PTPRK: variants seen among roughly 807,000 people sequenced by gnomAD.
PTPRK encodes receptor-type tyrosine-protein phosphatase kappa.
Under a neutral mutation model 178.0 loss-of-function variants are expected in PTPRK, and 75 were observed. The ratio of observed to expected loss-of-function variants is 0.42; its 90% confidence interval spans 0.35 to 0.51. The LOEUF (loss-of-function observed/expected upper bound fraction) is 0.51. Ranked by LOEUF, PTPRK falls within the 20% of genes least tolerant of loss-of-function variation. The probability of loss-of-function intolerance (pLI) is 0.02; values close to 1 mark genes in which losing one functional copy is unlikely to be tolerated. For missense variants in PTPRK, 1,441 were observed against 1,797.8 expected, an observed-to-expected ratio of 0.80 and a Z score of 3.59; for synonymous variants, 637 against 620.6, an observed-to-expected ratio of 1.03 and a Z score of -0.39.
At chr6:128,361,924 T>A (rs1834817675) in intron 2 of PTPRK, among the ~76,000 whole-genome samples, 2 of 152,128 alleles carry the variant, frequency 1.3e-5, no homozygotes, top group African/African-American at 4.8e-5. Context: ...TCTCACCCAA[T>A]CATATACTAC....
intron 1 of PTPRK, among the ~76,000 whole-genome samples, chr6:128,486,587 T>A (rs1194605236): frequency 6.6e-6 from 1 of 152,146 alleles, no homozygotes; most frequent in Non-Finnish European, 1.5e-5. Context: ...AAGGATTGCT[T>A]GAACTCAGGA....
intron 3 of PTPRK, among the ~76,000 whole-genome samples, chr6:128,295,685 A>T (rs1824215538): frequency 1.3e-5 from 2 of 152,252 alleles, no homozygotes; most frequent in South Asian, 4.1e-4. Context: ...TAGCTCTGGT[A>T]AATCCGGTTC....
In PTPRK at chr6:128,259,583, T is replaced by A. The variant is rs529212067; in HGVS notation, c.496-16981A>T. Among the ~76,000 whole-genome samples the A allele has an allele frequency of 2.6e-5, 4 of 152,296 alleles. No individual in the cohort carries two copies. In the South Asian group the frequency reaches 8.3e-4, roughly 32 times the overall value. ...AAGGTGAGATTATGGATTACTTTCATTTTCTGTGTATTTCTTCAATGATTT... is the reference window on the plus strand; with the variant it reads ...AAGGTGAGATTATGGATTACTTTCAATTTCTGTGTATTTCTTCAATGATTT... On this transcript the variant is annotated intron_variant, in intron 3 of 29. Transcript: ENST00000368226.
At chr6:128,468,486 T>C (rs569497875) in intron 1 of PTPRK, among the ~76,000 whole-genome samples, 29 of 152,310 alleles carry the variant, frequency 1.9e-4, no homozygotes, top group African/African-American at 7.0e-4. Context: ...GTAATGTTTA[T>C]TTTCAAGGAA....
intron 3 of PTPRK, among the ~76,000 whole-genome samples, chr6:128,269,616 G>A (rs531841371): frequency 2.3e-4 from 35 of 152,060 alleles, no homozygotes; most frequent in Non-Finnish European, 4.4e-4. Flanking sequence ...TCACCTTGCA[G>A]GGTGCCCTAC....
At chr6:128,030,758 T>TC (rs1775185642) in intron 13 of PTPRK, among the ~76,000 whole-genome samples, 1 of 152,076 alleles carries the variant, frequency 6.6e-6, no homozygotes, top group South Asian at 2.1e-4. Context: ...TTGCTTTTTT[T>TC]CCCCCAAGTC....
chr6:128,299,032 C>T lies in PTPRK; in HGVS notation c.495+23007G>A, dbSNP rs1195072895. ...GCAACTTCAGCGAAGTCTCAGGATACAAAATCAATGTGCAAAAATCACAAG... is the reference window on the plus strand; with the variant it reads ...GCAACTTCAGCGAAGTCTCAGGATATAAAATCAATGTGCAAAAATCACAAG... On this transcript the variant is annotated intron_variant, in intron 3 of 29. Transcript: ENST00000368226. 2.0e-5 allele frequency among the ~76,000 whole-genome samples: 3 copies of T among 152,140 alleles called. No individual in the cohort carries two copies. In the East Asian group the frequency reaches 5.8e-4, roughly 29 times the overall value.
At chr6:128,336,207 T>G (rs1388619722) in intron 2 of PTPRK, among the ~76,000 whole-genome samples, 2 of 152,114 alleles carry the variant, frequency 1.3e-5, no homozygotes, top group Non-Finnish European at 2.9e-5. Flanking sequence ...TTTTTTGTTT[T>G]TTTTTGTTTG....
intron 5 of PTPRK, among the ~76,000 whole-genome samples, chr6:128,229,978 C>A (rs1812026491): frequency 1.3e-5 from 2 of 151,852 alleles, no homozygotes; most frequent in South Asian, 4.2e-4. Context: ...ATAAGACACA[C>A]AAAAAAATGA....
chr6:128,484,145 C>T (rs1584926526), intron 1 of PTPRK, among the ~76,000 whole-genome samples: 1 of 152,158 alleles, frequency 6.6e-6, no homozygotes, highest in East Asian at 1.9e-4. Flanking sequence ...ATAAAACAAA[C>T]AAAAATCCCC....
At position 128,443,972 on chromosome 6, in the gene PTPRK, A is replaced by C. The variant is rs187636251; in HGVS notation, c.101-46284T>G. On this transcript the variant is annotated intron_variant, in intron 1 of 29. Coordinates refer to ENST00000368226, the MANE Select transcript of PTPRK (RefSeq NM_002844.4). The stretch of plus-strand genomic sequence containing the variant: ...GGTTCAAGCAATTCTCCTGCCTCAG[A>C]CTCACGAGTAGCTGGGACTACAGGC... Among the ~76,000 whole-genome samples, 659 of 152,014 alleles carry C rather than the reference A, an allele frequency of 4.3e-3. 8 individuals are homozygous for C. Among genetic ancestry groups the C allele is most frequent in the African/African-American group, 0.015 (635 of 41,456 alleles).
intron 13 of PTPRK, among the ~76,000 whole-genome samples, chr6:128,037,137 T>C (rs1776365961): frequency 6.6e-6 from 1 of 152,192 alleles, no homozygotes; most frequent in African/African-American, 2.4e-5. Context: ...CTGCCTGTTC[T>C]CAGTCAACAG....
At chr6:128,176,738 C>T (rs796983698) in intron 7 of PTPRK, among the ~76,000 whole-genome samples, 3 of 151,782 alleles carry the variant, frequency 2.0e-5, no homozygotes, top group African/African-American at 7.2e-5. Flanking sequence ...CATGATAAGG[C>T]CATATCTTGC....
intron 11 of PTPRK, among the ~76,000 whole-genome samples, chr6:128,075,084 C>T (rs1195936694): frequency 6.6e-6 from 1 of 152,028 alleles, no homozygotes; most frequent in Admixed American, 6.6e-5. Flanking sequence ...CACCTAAAGT[C>T]TCCACTCAAA....
chr6:128,068,333 T>C (rs1256696569), intron 11 of PTPRK, among the ~76,000 whole-genome samples: 5 of 152,200 alleles, frequency 3.3e-5, no homozygotes, highest in Admixed American at 3.3e-4. Context: ...CTCAGAGCTA[T>C]GTAGATCTAA....
chr6:128,222,531 C>T (rs1810600802), intron 5 of PTPRK, among the ~76,000 whole-genome samples: 1 of 152,152 alleles, frequency 6.6e-6, no homozygotes, highest in Admixed American at 6.5e-5. Context: ...CTCAGTGATC[C>T]CCAACAGCCT....
chr6:128,288,003 A>G (rs11966128), intron 3 of PTPRK, among the ~76,000 whole-genome samples: 20,282 of 152,046 alleles, frequency 0.13, 2,185 homozygotes, highest in African/African-American at 0.3. Context: ...ATCTCCAACT[A>G]ACTTGTCTTC....
At chr6:127,976,891 T>C (rs1435465521) in intron 26 of PTPRK, 32 bp downstream of exon 26, 3 of 1,613,214 alleles carry the variant, frequency 1.9e-6, no homozygotes, top group Admixed American at 1.7e-5. Context: ...AAGTTGTATA[T>C]AAGTACATAA....
chr6:128,227,682 A>T (rs1029133626), intron 5 of PTPRK, among the ~76,000 whole-genome samples: 3 of 152,218 alleles, frequency 2.0e-5, no homozygotes, highest in African/African-American at 7.2e-5. Context: ...TATAATTCTT[A>T]GTGTCAATGA....
Sources: gnomAD v4.1 joint callset for allele counts (sites outside exome capture counted in the v4.1 genomes callset) on GRCh38, gnomAD v4.1.1 for gene constraint, MANE v1.5 for transcripts, NCBI Gene and HGNC (gene_info 2026-07-23, HGNC 2026-07-21) for gene names.